CNGA3: variants seen among roughly 807,000 people sequenced by gnomAD.
CNGA3 encodes the protein cyclic nucleotide gated channel subunit alpha 3.
Under a neutral mutation model 46.6 loss-of-function variants are expected in CNGA3, and 42 were observed. That is an observed-to-expected ratio of 0.90 (90% CI 0.70 to 1.17). The LOEUF is 1.17. Among genes scored for constraint, CNGA3 ranks in the 50% most tolerant of loss-of-function variants. The pLI, the probability that CNGA3 is intolerant of heterozygous loss-of-function variation, is 0.00. For synonymous variants in CNGA3, 394 were observed against 369.4 expected (o/e 1.07, Z -0.76); for missense variants, 893 against 890.7 (o/e 1.00, Z -0.03).
At chr2:98,351,074 A>T (rs17429379) in intron 1 of CNGA3, 20,107 of 152,188 alleles carry the variant, frequency 0.13, 1,838 homozygotes, top group Non-Finnish European at 0.19. Flanking sequence ...GTTGTCTAAG[A>T]CTTGAACTGT....
chr2:98,381,051 TAC>T (rs1692526228), intron 4 of CNGA3, among the ~76,000 whole-genome samples: 1 of 152,150 alleles, frequency 6.6e-6, no homozygotes, highest in Non-Finnish European at 1.5e-5. Context: ...GGTAGCCCCT[TAC>T]ACACAGACAC....
In CNGA3 at chr2:98,358,019, C is replaced by T. The variant is rs114650022; in HGVS notation, c.-38+11485C>T. 1.7e-3 allele frequency among the ~76,000 whole-genome samples: 253 copies of T among 152,330 alleles called. 2 individuals carry two copies. Among genetic ancestry groups the T allele is most frequent in the African/African-American group, 5.9e-3 (246 of 41,574 alleles). On this transcript the variant is annotated intron_variant, in intron 1 of 7. Coordinates refer to ENST00000272602, the MANE Select transcript of CNGA3 (RefSeq NM_001298.3). ...CTCTTGGGGTTACTGAGGATTCACG[C>T]GTGATGGATATGGAAGTGCCTCGCA...
chr2:98,366,304 C>T (rs564867701), intron 1 of CNGA3, among the ~76,000 whole-genome samples: 27 of 152,136 alleles, frequency 1.8e-4, no homozygotes, highest in Non-Finnish European at 3.5e-4. Flanking sequence ...GGGGCGCTGA[C>T]CTGATGCCGG....
intron 2 of CNGA3, among the ~76,000 whole-genome samples, chr2:98,376,674 G>T (rs1692412245): frequency 6.6e-6 from 1 of 152,096 alleles, no homozygotes; most frequent in South Asian, 2.1e-4. Context: ...CTTTTCCCTG[G>T]TATTAATTCT....
chr2:98,382,332 G>A (rs1692558321), intron 4 of CNGA3, among the ~76,000 whole-genome samples: 1 of 152,214 alleles, frequency 6.6e-6, no homozygotes, highest in Non-Finnish European at 1.5e-5. Context: ...CACAGCCACT[G>A]CATCCCCCAC....
At chr2:98,370,852 G>A (rs940943377) in intron 2 of CNGA3, among the ~76,000 whole-genome samples, 4 of 151,956 alleles carry the variant, frequency 2.6e-5, no homozygotes, top group Admixed American at 2.6e-4. Flanking sequence ...TGTTTTTCGT[G>A]ACAGAGTCCC....
intron 1 of CNGA3, among the ~76,000 whole-genome samples, chr2:98,359,220 C>T (rs1181655248): frequency 6.6e-6 from 1 of 152,214 alleles, no homozygotes; most frequent in East Asian, 1.9e-4. Flanking sequence ...CAGGCTCCTG[C>T]TTCTATTGGT....
rs764815361 is a variant in CNGA3 at position 98,397,077 on chromosome 2, C to T, written c.1907C>T (p.Ser636Phe). Residue 636 changes from serine (S) to phenylalanine (F), a missense_variant, in exon 8 of 8, where the codon TCC becomes TTC. Coordinates refer to ENST00000272602, the MANE Select transcript of CNGA3 (RefSeq NM_001298.3). ...LEEKVEQLGS[S>F]LDTLQTRFAR... ...GAGAAAGTGGAGCAGCTGGGGTCCTCCCTGGACACCCTGCAGACCAGGTTT... is the reference window on the plus strand; with the variant it reads ...GAGAAAGTGGAGCAGCTGGGGTCCTTCCTGGACACCCTGCAGACCAGGTTT... 6.2e-7 allele frequency: 1 copy of T among 1,614,136 alleles called. No homozygotes were observed. Among genetic ancestry groups the T allele is most frequent in the Admixed American group, 1.7e-5 (1 of 60,022 alleles).
intron 1 of CNGA3, among the ~76,000 whole-genome samples, chr2:98,360,576 C>T (rs1159508628): frequency 1.3e-5 from 2 of 152,188 alleles, no homozygotes; most frequent in African/African-American, 2.4e-5. Flanking sequence ...TAGCATATTG[C>T]CTGGCACATA....
intron 2 of CNGA3, among the ~76,000 whole-genome samples, chr2:98,370,554 T>C (rs1692262122): frequency 6.6e-6 from 1 of 152,180 alleles, no homozygotes; most frequent in African/African-American, 2.4e-5. Flanking sequence ...AGGGCCTGTA[T>C]AGGGAGTGGG....
At chr2:98,386,818 C>T (rs985582801) in intron 5 of CNGA3, among the ~76,000 whole-genome samples, 5 of 152,222 alleles carry the variant, frequency 3.3e-5, no homozygotes, top group South Asian at 4.2e-4. Context: ...GCCACAGCCT[C>T]GAAAGGTGCA....
chr2:98,365,043 A>AT (rs35874455), intron 1 of CNGA3, among the ~76,000 whole-genome samples: 33,892 of 144,548 alleles, frequency 0.23, 3,972 homozygotes, highest in Non-Finnish European at 0.26. Flanking sequence ...TGCCCTTAAC[A>AT]TTTTTTTTTT....
intron 3 of CNGA3, chr2:98,378,183 T>C (rs924994352): frequency 1.1e-5 from 17 of 1,550,468 alleles, no homozygotes; most frequent in Non-Finnish European, 1.4e-5. Context: ...GAAATGGCTC[T>C]GGCAGGGTCT....
intron 5 of CNGA3, among the ~76,000 whole-genome samples, 180 bp from the exon 6 acceptor site, chr2:98,389,478 A>G (rs1346823214): frequency 6.6e-6 from 1 of 151,734 alleles, no homozygotes; most frequent in Non-Finnish European, 1.5e-5. Flanking sequence ...AGTCTACCCT[A>G]CCTCCTGGCC....
At chr2:98,385,507 C>T (rs901291732) in intron 5 of CNGA3, among the ~76,000 whole-genome samples, 4 of 152,152 alleles carry the variant, frequency 2.6e-5, no homozygotes, top group African/African-American at 9.7e-5. Flanking sequence ...GAGATAGCCC[C>T]ACTTAACATG....
chr2:98,387,007 A>G (rs748048371), intron 5 of CNGA3, among the ~76,000 whole-genome samples: 1 of 152,236 alleles, frequency 6.6e-6, no homozygotes, highest in Non-Finnish European at 1.5e-5. Context: ...GATCTGCAAG[A>G]TAATACATTT....
At chr2:98,388,946 G>A (rs1258969485) in intron 5 of CNGA3, among the ~76,000 whole-genome samples, 1 of 152,190 alleles carries the variant, frequency 6.6e-6, no homozygotes, top group Non-Finnish European at 1.5e-5. Context: ...GGGACACATG[G>A]ACCCAACAAA....
intron 4 of CNGA3, among the ~76,000 whole-genome samples, chr2:98,382,083 G>A (rs1276024159): frequency 6.6e-6 from 1 of 152,172 alleles, no homozygotes; most frequent in East Asian, 1.9e-4. Context: ...CATATCCAGG[G>A]CAGGCCCCGA....
At chr2:98,364,349 G>T (rs1692099990) in intron 1 of CNGA3, among the ~76,000 whole-genome samples, 1 of 152,158 alleles carries the variant, frequency 6.6e-6, no homozygotes, top group East Asian at 1.9e-4. Flanking sequence ...CTGCACTCCA[G>T]CCTGGGCAAC....
Sources: allele counts gnomAD v4.1 joint callset (sites outside exome capture counted in the v4.1 genomes callset), GRCh38; gene constraint gnomAD v4.1.1; transcripts MANE v1.5; gene names NCBI Gene and HGNC (gene_info 2026-07-23, HGNC 2026-07-21).